CD48: variants seen among roughly 807,000 people sequenced by gnomAD.
The protein encoded by CD48 is CD48 antigen.
In CD48, 20 loss-of-function variants were observed where a neutral mutation model predicts 22.0. That is an observed-to-expected ratio of 0.91 (90% CI 0.64 to 1.32). CD48 has a LOEUF of 1.32. Among genes scored for constraint, CD48 ranks in the 40% most tolerant of loss-of-function variants. CD48 has a pLI of 0.00. For synonymous variants in CD48, 110 were observed against 110.1 expected, an observed-to-expected ratio of 1.00 and a Z score of 0.01; for missense variants, 307 against 286.5, an observed-to-expected ratio of 1.07 and a Z score of -0.52.
intron 1 of CD48, among the ~76,000 whole-genome samples, chr1:160,707,657 G>A (rs930660146): frequency 1.3e-5 from 2 of 152,182 alleles, no homozygotes; most frequent in Non-Finnish European, 2.9e-5. Flanking sequence ...GAGGGCAGAG[G>A]ACTGAGGTAA....
At chr1:160,707,342 T>C (rs1005799267) in intron 1 of CD48, among the ~76,000 whole-genome samples, 2 of 152,092 alleles carry the variant, frequency 1.3e-5, no homozygotes, top group Non-Finnish European at 2.9e-5. Context: ...GTTTTTGTTA[T>C]TCAAGTAGGG....
At chr1:160,700,033 G>A (rs1358087103) in intron 1 of CD48, among the ~76,000 whole-genome samples, 1 of 152,130 alleles carries the variant, frequency 6.6e-6, no homozygotes, top group Non-Finnish European at 1.5e-5. Context: ...AATATTTAAA[G>A]GTTTGGGGAA....
intron 1 of CD48, among the ~76,000 whole-genome samples, chr1:160,689,274 G>A (rs745939828): frequency 6.0e-5 from 9 of 151,134 alleles, no homozygotes; most frequent in Non-Finnish European, 1.0e-4. Context: ...GCAGGGCAAC[G>A]GTCATCTGTG....
intron 1 of CD48, among the ~76,000 whole-genome samples, chr1:160,708,867 T>C (rs1039197927): frequency 6.6e-6 from 1 of 152,160 alleles, no homozygotes; most frequent in Non-Finnish European, 1.5e-5. Flanking sequence ...CCTGCAAAGC[T>C]AGCTTAGAAA....
chr1:160,706,152 G>A (rs983205736), intron 1 of CD48, among the ~76,000 whole-genome samples: 4 of 152,020 alleles, frequency 2.6e-5, no homozygotes, highest in Admixed American at 1.3e-4. Context: ...TCAGCTCACT[G>A]CAACCTCCAC....
Position 160,711,699 on chromosome 1 carries a change from A to G in CD48, c.65T>C (p.Leu22Pro). The change falls in exon 1 of 4, where the codon CTG becomes CCG. Residue 22 changes from leucine to proline, a missense_variant. Transcript: ENST00000368046. The part of the protein sequence containing the change: ...LELLLLPLSL[L>P]VTSIQGHLVH... ...GAAAGTACCTTGAATGCTGGTCACCAGGAGTGACAGAGGCAGCAGTAGCAA... is the reference window on the plus strand; with the variant it reads ...GAAAGTACCTTGAATGCTGGTCACCGGGAGTGACAGAGGCAGCAGTAGCAA... The G allele has an allele frequency of 6.2e-7, 1 of 1,611,184 alleles. No individual in the cohort carries two copies. The highest frequency in any genetic ancestry group is 1.1e-5 in the South Asian group (1 of 91,032).
chr1:160,711,067 G>A (rs776908513), intron 1 of CD48, among the ~76,000 whole-genome samples: 6 of 152,280 alleles, frequency 3.9e-5, no homozygotes, highest in Admixed American at 6.5e-5. Context: ...ACCGGGGACC[G>A]AACAGGCTGT....
rs71579678 is a variant in CD48 at position 160,682,457 on chromosome 1, CAA to C, written c.386-991_386-990del. Among the ~76,000 whole-genome samples the C allele has an allele frequency of 7.6e-3, 407 of 53,270 alleles. 3 individuals are homozygous for C. The highest frequency in any genetic ancestry group is 0.026 in the African/African-American group (384 of 14,854). The allele number at this position is 53,270 out of a possible 152,430, so 34.9% of individuals were successfully genotyped here. A position where few individuals can be genotyped will look rare whatever the true frequency, so the allele number is the denominator to read the frequency against. ...CCAGCTTGGGTAAGGAGAAGACCTT[CAA>C]AAAAAAAAAAAAAAGAAGAAAGAAA... is the stretch of plus-strand genomic sequence containing the variant. On this transcript the variant is annotated intron_variant, in intron 2 of 3. Coordinates refer to ENST00000368046, the MANE Select transcript of CD48 (RefSeq NM_001778.4).
At chr1:160,689,784 A>C (rs943105173) in intron 1 of CD48, among the ~76,000 whole-genome samples, 2 of 152,126 alleles carry the variant, frequency 1.3e-5, no homozygotes, top group African/African-American at 4.8e-5. Context: ...TCTGGTGGGT[A>C]CCTAGACATG....
At chr1:160,689,568 G>A (rs2102412444) in intron 1 of CD48, among the ~76,000 whole-genome samples, 2 of 152,278 alleles carry the variant, frequency 1.3e-5, no homozygotes, top group East Asian at 3.9e-4. Flanking sequence ...GGTTTGTAAG[G>A]AGAAAAAGAA....
At chr1:160,694,609 C>T (rs189572690) in intron 1 of CD48, among the ~76,000 whole-genome samples, 12 of 152,036 alleles carry the variant, frequency 7.9e-5, no homozygotes, top group South Asian at 6.3e-4. Context: ...TCACCATGAC[C>T]GCTACATTAT....
In CD48 at chr1:160,681,448, T is replaced by C. The variant is rs1661800403; in HGVS notation, c.406A>G (p.Ile136Val). Residue 136 changes from isoleucine (I) to valine (V), a missense_variant, in exon 3 of 4, where the codon ATC becomes GTC. Ile to Val is a conservative substitution (Grantham distance 29). Transcript: ENST00000368046. ...ATGTCTTCTATCTTCTCAATTTTGA[T>C]GACAGGCTTGGGTACAGGGTCTGAA... ...QVLDPVPKPV[I>V]KIEKIEDMDD... 6.2e-7 allele frequency: 1 copy of C among 1,614,100 alleles called. No individual in the cohort carries two copies. Among genetic ancestry groups the C allele is most frequent in the Non-Finnish European group, 8.5e-7 (1 of 1,179,968 alleles).
chr1:160,685,784 G>A (rs1370829897), intron 1 of CD48, among the ~76,000 whole-genome samples: 1 of 152,180 alleles, frequency 6.6e-6, no homozygotes, highest in Non-Finnish European at 1.5e-5. Context: ...GGCAGATTAA[G>A]GAGGAAAGGC....
intron 1 of CD48, among the ~76,000 whole-genome samples, chr1:160,690,517 T>C (rs938266679): frequency 2.0e-5 from 3 of 152,136 alleles, no homozygotes; most frequent in Non-Finnish European, 4.4e-5. Context: ...TTTAAGCCAG[T>C]GGCATTGACA....
At chr1:160,693,054 TAGATGC>T in intron 1 of CD48, among the ~76,000 whole-genome samples, 1 of 152,002 alleles carries the variant, frequency 6.6e-6, no homozygotes, top group South Asian at 2.1e-4. Context: ...CCAGTTAACA[TAGATGC>T]AGATCAACTA....
At position 160,706,614 on chromosome 1, in the gene CD48, T is replaced by A. The variant is rs1662802671; in HGVS notation, c.82+5068A>T. On this transcript the variant is annotated intron_variant, in intron 1 of 3. Transcript: ENST00000368046. Reference sequence around the variant, plus strand: ...CCTTTTAAAAAACTACTATTTTGATTTAATTCTAACAGGAAGTATTTGGTG... The same window carrying A: ...CCTTTTAAAAAACTACTATTTTGATATAATTCTAACAGGAAGTATTTGGTG... 2.0e-5 allele frequency among the ~76,000 whole-genome samples: 3 copies of A among 152,226 alleles called. No homozygotes were observed. In the South Asian group the frequency reaches 6.2e-4, roughly 32 times the overall value.
intron 1 of CD48, among the ~76,000 whole-genome samples, chr1:160,686,307 T>C (rs1164045914): frequency 6.6e-6 from 1 of 152,140 alleles, no homozygotes; most frequent in African/African-American, 2.4e-5. Flanking sequence ...CTTTCACTTC[T>C]GAGGCTGCTT....
In CD48 at chr1:160,683,214, G is replaced by T. The variant is rs986275510; in HGVS notation, c.385+1673C>A. 3.9e-5 allele frequency among the ~76,000 whole-genome samples: 6 copies of T among 152,302 alleles called. No individual in the cohort carries two copies. The East Asian group carries it at 1.2e-3, about 29-fold the overall frequency. ...CCTTCTGCATTTCCCATGGTGATCA[G>T]CACAGCACTGGGCACTTTGCTGATG... On this transcript the variant is annotated intron_variant, in intron 2 of 3. Coordinates refer to ENST00000368046, the MANE Select transcript of CD48 (RefSeq NM_001778.4).
At chr1:160,703,802 G>T (rs894167892) in intron 1 of CD48, among the ~76,000 whole-genome samples, 1 of 152,130 alleles carries the variant, frequency 6.6e-6, no homozygotes, top group Non-Finnish European at 1.5e-5. Flanking sequence ...GGCCAAGAGG[G>T]TATCTGGGGT....
Sources: gnomAD v4.1 joint callset for allele counts (sites outside exome capture counted in the v4.1 genomes callset) on GRCh38, gnomAD v4.1.1 for gene constraint, MANE v1.5 for transcripts, NCBI Gene and HGNC (gene_info 2026-07-23, HGNC 2026-07-21) for gene names.